BAHCC1: variants seen among roughly 807,000 people sequenced by gnomAD.
BAHCC1 encodes the protein BAH and coiled-coil domain-containing protein 1.
Under a neutral mutation model 88.2 loss-of-function variants are expected in BAHCC1, and 43 were observed. The observed-to-expected ratio is 0.49, with a 90% CI of 0.38 to 0.63. The LOEUF (loss-of-function observed/expected upper bound fraction) is 0.63, where lower values mean the gene tolerates loss of function less well. Ranked by LOEUF, BAHCC1 falls within the 20% of genes least tolerant of loss-of-function variation. The probability of loss-of-function intolerance (pLI) is 0.00; values close to 1 mark genes in which losing one functional copy is unlikely to be tolerated. For missense variants in BAHCC1, 3,023 were observed against 1,654.8 expected (o/e 1.83, Z -14.34); for synonymous variants, 1,510 against 745.5 (o/e 2.03, Z -16.71).
Position 81,464,955 on chromosome 17 carries a change from G to A in BAHCC1, c.*1138G>A, listed in dbSNP as rs1274413207. On this transcript the variant is annotated 3_prime_UTR_variant, in exon 28 of 28. Coordinates refer to ENST00000675386, the MANE Select transcript of BAHCC1 (RefSeq NM_001377448.1). ...GCAGTTTGGCCAGGTTCCTGAACTG[G>A]GCAGGGCTCGGGGCCTATGAGGGCA... 6.6e-6 allele frequency: 1 copy of A among 152,224 alleles called. No homozygotes were observed. The highest frequency in any genetic ancestry group is 1.5e-5 in the Non-Finnish European group (1 of 68,080). The allele number at this position is 152,224 out of a possible 1,614,324, so 9.4% of individuals were successfully genotyped here.
At chr17:81,452,254 G>A in intron 13 of BAHCC1, 147 bp downstream of exon 13, 1 of 486,058 alleles carries the variant, frequency 2.1e-6, no homozygotes, top group South Asian at 3.9e-5. Context: ...CATCGGGGAG[G>A]CCCCCCAGAG....
rs2064200794 is a variant in BAHCC1, at chr17:81,426,450, A to G, written c.179-350A>G. Among the ~76,000 whole-genome samples the G allele has an allele frequency of 9.5e-4, 11 of 11,534 alleles. 2 individuals carry two copies. Among genetic ancestry groups the G allele is most frequent in the Non-Finnish European group, 1.3e-3 (8 of 5,988 alleles). The allele number at this position is 11,534 out of a possible 152,430, so 7.6% of individuals were successfully genotyped here. On this transcript the variant is annotated intron_variant, in intron 2 of 27. Transcript: ENST00000675386. ...GTGGTGGGTGATGTGGTTGGGGGTG[A>G]TGTGGGTGATGTGGTTGGGGGTGAT...
rs1286725800 is a variant in BAHCC1 at position 81,463,716 on chromosome 17, C to T, written c.7726C>T (p.Arg2576Cys). ...REQYEQMARS[R>C]KCQDRQDLYY... ...GCAGTATGAGCAGATGGCCCGGAGC[C>T]GCAAGTGCCAGGACCGGCAGGACCT... The change falls in exon 28 of 28, where the codon CGC (arginine) becomes TGC (cysteine). Residue 2576 changes from arginine to cysteine, a missense_variant. Arg to Cys is a radical substitution (Grantham distance 180). Transcript: ENST00000675386. 9.0e-6 allele frequency: 7 copies of T among 779,428 alleles called. No individual in the cohort carries two copies. The highest frequency in any genetic ancestry group is 3.4e-5 in the Admixed American group (2 of 59,014). The allele number at this position is 779,428 out of a possible 1,614,324, so 48.3% of individuals were successfully genotyped here. A position where few individuals can be genotyped will look rare whatever the true frequency, so the allele number is the denominator to read the frequency against.
In BAHCC1 at chr17:81,461,372, C is replaced by T. The variant is rs781832569; in HGVS notation, c.6709C>T (p.Leu2237Phe). ...GGGGGACAAGGACTTCAGCCCCAAG[C>T]TCGGGCGGCCCCTGCCCAGCCCCAG... ...LMGDKDFSPK[L>F]GRPLPSPSYV... is the part of the protein sequence containing the mutation. The change falls in exon 26 of 28, where the codon CTC becomes TTC. Residue 2237 changes from leucine to phenylalanine, a missense_variant. By Grantham distance (22) the Leu-to-Phe change is conservative. Coordinates refer to ENST00000675386, the MANE Select transcript of BAHCC1 (RefSeq NM_001377448.1). The T allele has an allele frequency of 5.5e-6, 4 of 722,594 alleles. No homozygotes were observed. Among genetic ancestry groups the T allele is most frequent in the Non-Finnish European group, 1.0e-5 (4 of 392,632 alleles). 44.8% of individuals were successfully genotyped at this position (722,594 alleles called of 1,614,324 possible).
chr17:81,458,058 C>T lies in BAHCC1; in HGVS notation c.5042-107C>T, dbSNP rs1420290799. 16 of 515,202 alleles carry T rather than the reference C, an allele frequency of 3.1e-5. No homozygotes were observed. The African/African-American group carries it at 3.6e-4, about 12-fold the overall frequency. 31.9% of individuals were successfully genotyped at this position (515,202 alleles called of 1,614,324 possible). ...CAGAGGTTGCTGGGTAACCCGGGGGCGGGCAGGGGTTGCTAGGTAACCAGG... is the reference window on the plus strand; with the variant it reads ...CAGAGGTTGCTGGGTAACCCGGGGGTGGGCAGGGGTTGCTAGGTAACCAGG... On this transcript the variant is annotated intron_variant, in intron 17 of 27. Coordinates refer to ENST00000675386, the MANE Select transcript of BAHCC1 (RefSeq NM_001377448.1).
At chr17:81,430,986 GGCGTGGGGGTGGAGGGGACA>G (rs1215801535) in intron 3 of BAHCC1, among the ~76,000 whole-genome samples, 1 of 140,770 alleles carries the variant, frequency 7.1e-6, no homozygotes, top group Non-Finnish European at 1.5e-5. Context: ...TGGGGGTCCC[GGCGTGGGGGTGGAGGGGACA>G]GCGTGGGGGT....
intron 3 of BAHCC1, among the ~76,000 whole-genome samples, chr17:81,432,301 C>T (rs2143444398): frequency 6.6e-6 from 1 of 152,188 alleles, no homozygotes; most frequent in East Asian, 1.9e-4. Context: ...GTGGGGCTGG[C>T]TGGTGTCATG....
intron 6 of BAHCC1, 140 bp from the exon 7 acceptor site, chr17:81,444,241 A>AG: frequency 1.7e-6 from 1 of 598,498 alleles, no homozygotes. Context: ...GGTTGATGGC[A>AG]GGGGGTGGGA....
chr17:81,415,342 G>A lies in BAHCC1; in HGVS notation c.179-11458G>A, dbSNP rs990544470. ...GAGGGGAGTTCCAAGGGGGACCTTC[G>A]TTGTGAAGGAGGGCAGGCTGGGCTT... On this transcript the variant is annotated intron_variant, in intron 2 of 27. Transcript: ENST00000675386. 5 of 323,554 alleles carry A rather than the reference G, an allele frequency of 1.5e-5. 1 individual carries two copies. The highest frequency in any genetic ancestry group is 9.3e-5 in the South Asian group (4 of 43,154). 20.0% of individuals were successfully genotyped at this position (323,554 alleles called of 1,614,324 possible).
At chr17:81,457,721 G>A (rs2064776530) in intron 17 of BAHCC1, 129 bp downstream of exon 17, 2 of 577,268 alleles carry the variant, frequency 3.5e-6, no homozygotes, top group African/African-American at 4.0e-5. Flanking sequence ...GGGTAACCAG[G>A]AGGGAGGGCA....
At chr17:81,414,122 G>A (rs782328489) in intron 2 of BAHCC1, among the ~76,000 whole-genome samples, 2 of 152,198 alleles carry the variant, frequency 1.3e-5, no homozygotes, top group African/African-American at 4.8e-5. Flanking sequence ...AGGAGCCCCC[G>A]CACAGCAGCC....
At chr17:81,426,263 G>T (rs2064196973) in intron 2 of BAHCC1, among the ~76,000 whole-genome samples, 1 of 147,372 alleles carries the variant, frequency 6.8e-6, no homozygotes, top group African/African-American at 2.5e-5. Flanking sequence ...AATAGTCGTG[G>T]GTGATGTGGT....
In BAHCC1 at chr17:81,447,352, G is replaced by A. The variant is rs1446150628; in HGVS notation, c.3480G>A (p.Ala1160=). 1.9e-5 allele frequency: 14 copies of A among 743,380 alleles called. No homozygotes were observed. The highest frequency in any genetic ancestry group is 5.7e-5 in the South Asian group (4 of 69,770). The allele number at this position is 743,380 out of a possible 1,614,324, so 46.0% of individuals were successfully genotyped here. Residue 1160 remains alanine (A), a synonymous_variant, in exon 11 of 28, where the codon GCG becomes GCA. Transcript: ENST00000675386. ...AGGGGCTACAAGAACTGCAATGTGC[G>A]GCCCTCCTGGAGGCAGGGGGCCCCG... ...PLEGLQELQC[A]ALLEAGGPEA...
chr17:81,412,939 G>T (rs1289137072), intron 2 of BAHCC1, among the ~76,000 whole-genome samples: 3 of 152,220 alleles, frequency 2.0e-5, no homozygotes, highest in Non-Finnish European at 2.9e-5. Context: ...CTGGCTGGAA[G>T]GAGAGAGTGA....
chr17:81,413,090 A>G lies in BAHCC1; in HGVS notation c.178+13173A>G, dbSNP rs782626372. The G allele has an allele frequency of 1.1e-4, 48 of 441,500 alleles. No homozygotes were observed. The Middle Eastern group carries it at 5.9e-3, about 54-fold the overall frequency. The allele number at this position is 441,500 out of a possible 1,614,324, so 27.3% of individuals were successfully genotyped here. A position where few individuals can be genotyped will look rare whatever the true frequency, so the allele number is the denominator to read the frequency against. On this transcript the variant is annotated intron_variant, in intron 2 of 27. Transcript: ENST00000675386. ...AAGCGCCAATTACATAAAGGTGAAC[A>G]CCAGGGTCCAGGGTTATCAGGGCCT...
At chr17:81,402,862 T>G (rs1177956637) in intron 2 of BAHCC1, 3 of 152,236 alleles carry the variant, frequency 2.0e-5, no homozygotes, top group African/African-American at 7.2e-5. Context: ...GCTTCTTCCA[T>G]TGTTTTTCTA....
At chr17:81,422,812 C>A in intron 2 of BAHCC1, 1 of 434,698 alleles carries the variant, frequency 2.3e-6, no homozygotes, top group Non-Finnish European at 4.6e-6. Context: ...GAGGAAAAGG[C>A]GGGAGGGACT....
At position 81,426,789 on chromosome 17, in the gene BAHCC1, T is replaced by C; in HGVS notation, c.179-11T>C. The stretch of plus-strand genomic sequence containing the variant: ...GCTGCCCCCAGAGTCACTCTTGCCC[T>C]GTGTCCACAGCCAGCAGCCGCCTGA... On this transcript the variant is annotated splice_polypyrimidine_tract_variant and intron_variant, in intron 2 of 27. Coordinates refer to ENST00000675386, the MANE Select transcript of BAHCC1 (RefSeq NM_001377448.1). The C allele has an allele frequency of 2.5e-6, 1 of 398,738 alleles. No individual in the cohort carries two copies. Among genetic ancestry groups the C allele is most frequent in the Non-Finnish European group, 4.4e-6 (1 of 226,236 alleles). The allele number at this position is 398,738 out of a possible 1,614,324, so 24.7% of individuals were successfully genotyped here.
chr17:81,399,284 G>C lies in BAHCC1; in HGVS notation c.-206-250G>C. On this transcript the variant is annotated intron_variant, in intron 1 of 27. Transcript: ENST00000675386. The surrounding 1 kb of genome is among the most constrained non-coding windows in gnomAD (Gnocchi z 4.5). ...GGGAGGCGGCGAGCAGTGCGGCTGG[G>C]TTCCCCCGGCTGCCCCGGGCCAAGC... The C allele has an allele frequency of 2.9e-6, 1 of 341,508 alleles. No homozygotes were observed. Among genetic ancestry groups the C allele is most frequent in the Admixed American group, 3.4e-5 (1 of 29,654 alleles). The allele number at this position is 341,508 out of a possible 1,614,324, so 21.2% of individuals were successfully genotyped here. A position where few individuals can be genotyped will look rare whatever the true frequency, so the allele number is the denominator to read the frequency against.
Sources: allele counts gnomAD v4.1 joint callset (sites outside exome capture counted in the v4.1 genomes callset), GRCh38; gene constraint gnomAD v4.1.1; non-coding constraint Gnocchi (gnomAD v3.1); transcripts MANE v1.5; gene names NCBI Gene and HGNC (gene_info 2026-07-23, HGNC 2026-07-21).